CCDC25: variants seen among roughly 807,000 people sequenced by gnomAD.
The protein encoded by CCDC25 is coiled-coil domain-containing protein 25.
A neutral mutation model predicts 35.3 loss-of-function variants in CCDC25; 16 were observed. That is an observed-to-expected ratio of 0.45 (90% CI 0.31 to 0.69). The LOEUF is 0.69. Ranked by LOEUF, CCDC25 falls within the 30% of genes least tolerant of loss-of-function variation. The pLI, the probability that CCDC25 is intolerant of heterozygous loss-of-function variation, is 0.06. For missense variants in CCDC25, 179 were observed against 250.7 expected (o/e 0.71, Z 1.93); for synonymous variants, 79 against 80.3 (o/e 0.98, Z 0.09).
intron 7 of CCDC25, 182 bp downstream of exon 7, chr8:27,747,895 C>G: frequency 1.7e-6 from 1 of 605,302 alleles, no homozygotes; most frequent in Non-Finnish European, 2.9e-6. Flanking sequence ...ACAAGCAATT[C>G]TTTTAACCAA....
At chr8:27,758,159 C>T (rs897031674) in intron 3 of CCDC25, among the ~76,000 whole-genome samples, 2 of 152,184 alleles carry the variant, frequency 1.3e-5, no homozygotes, top group Non-Finnish European at 2.9e-5. Flanking sequence ...CTTCCTTGGT[C>T]CTTACCTTTC....
intron 4 of CCDC25, among the ~76,000 whole-genome samples, chr8:27,755,653 T>C (rs891106822): frequency 9.2e-5 from 14 of 152,154 alleles, no homozygotes; most frequent in Admixed American, 8.5e-4. Flanking sequence ...GGCCAGGCCA[T>C]CAAGGCTCAC....
In CCDC25 at chr8:27,737,243, C is replaced by T. The variant is rs1029138817; in HGVS notation, c.598-998G>A. Among the ~76,000 whole-genome samples the T allele has an allele frequency of 4.6e-4, 70 of 151,994 alleles. No homozygotes were observed. Among genetic ancestry groups the T allele is most frequent in the African/African-American group, 1.7e-3 (69 of 41,362 alleles). ...GAACAGACTAATGATTGTGTTATAT[C>T]CAGGCGCAAAGACTATGATTGCCCC... On this transcript the variant is annotated intron_variant, in intron 8 of 8. Coordinates refer to ENST00000356537, the MANE Select transcript of CCDC25 (RefSeq NM_018246.3). The surrounding 1 kb of genome is among the most constrained non-coding windows in gnomAD (Gnocchi z 4.6).
chr8:27,759,400 G>GATGAGGA (rs1392332480), intron 3 of CCDC25, among the ~76,000 whole-genome samples: 1 of 151,990 alleles, frequency 6.6e-6, no homozygotes, highest in East Asian at 1.9e-4. Context: ...TCAGGTCAGG[G>GATGAGGA]GTTGGAGACC....
chr8:27,736,351 A>G, intron 8 of CCDC25, 106 bp from the exon 9 acceptor site: 2 of 851,372 alleles, frequency 2.3e-6, no homozygotes, highest in Non-Finnish European at 3.7e-6. Context: ...TCAGTCACTG[A>G]GTTCAGAAAG....
chr8:27,770,749 A>C (rs940716952), intron 1 of CCDC25, among the ~76,000 whole-genome samples: 9 of 152,194 alleles, frequency 5.9e-5, no homozygotes, highest in South Asian at 4.1e-4. Context: ...CCAAAAAAAA[A>C]AAAAACAAAA....
chr8:27,748,653 T>C (rs577630274), intron 5 of CCDC25, 55 bp from the exon 6 acceptor site: 43 of 1,309,402 alleles, frequency 3.3e-5, no homozygotes, highest in Non-Finnish European at 1.4e-5. Flanking sequence ...AGCAATGTGT[T>C]CCCTTACCCA....
Position 27,764,678 on chromosome 8 carries a change from G to A in CCDC25, c.76+526C>T, listed in dbSNP as rs971931298. 1.0e-4 allele frequency: 23 copies of A among 223,730 alleles called. 1 individual carries two copies. The highest frequency in any genetic ancestry group is 1.6e-4 in the Non-Finnish European group (17 of 109,210). The allele number at this position is 223,730 out of a possible 1,614,324, so 13.9% of individuals were successfully genotyped here. On this transcript the variant is annotated intron_variant, in intron 2 of 8. Coordinates refer to ENST00000356537, the MANE Select transcript of CCDC25 (RefSeq NM_018246.3). ...AATTTATATCTGTGACATAAATTAT[G>A]TATCTAGATTTGTATCTATATATTC...
intron 4 of CCDC25, 49 bp downstream of exon 4, chr8:27,756,670 G>T: frequency 8.3e-7 from 1 of 1,210,894 alleles, no homozygotes; most frequent in Non-Finnish European, 1.2e-6. Flanking sequence ...AACAAGATAT[G>T]ATGCATCATC....
chr8:27,751,330 G>C (rs1803797386), intron 5 of CCDC25, among the ~76,000 whole-genome samples: 1 of 152,206 alleles, frequency 6.6e-6, no homozygotes, highest in Admixed American at 6.5e-5. Context: ...GAAAATCTTA[G>C]AAAATTCTGT....
intron 2 of CCDC25, among the ~76,000 whole-genome samples, chr8:27,764,815 A>C (rs903483386): frequency 2.0e-5 from 3 of 152,218 alleles, no homozygotes; most frequent in Non-Finnish European, 4.4e-5. Flanking sequence ...CTACTTCGAC[A>C]GCATTTACTA....
Position 27,738,626 on chromosome 8 carries a change from A to G in CCDC25, c.597+1846T>C, listed in dbSNP as rs201304530. ...GGTGTGTGTGTGTGTGTGTGTGTGT[A>G]TTTGTTTATTTCTCAACTCTAGAAT... is the stretch of plus-strand genomic sequence containing the variant. On this transcript the variant is annotated intron_variant, in intron 8 of 8. Transcript: ENST00000356537. Among the ~76,000 whole-genome samples the G allele has an allele frequency of 1.5e-3, 219 of 143,360 alleles. 2 individuals are homozygous for G. The East Asian group carries it at 0.03, about 19-fold the overall frequency. The allele number at this position is 143,360 out of a possible 152,430, so 94.0% of individuals were successfully genotyped here. A position where few individuals can be genotyped will look rare whatever the true frequency, so the allele number is the denominator to read the frequency against.
intron 1 of CCDC25, 135 bp downstream of exon 1, chr8:27,772,378 C>T: frequency 1.2e-6 from 1 of 820,070 alleles, no homozygotes; most frequent in Non-Finnish European, 2.0e-6. Context: ...TGCTGGGGGA[C>T]CGAGAGGCCG....
At chr8:27,762,551 AC>A in intron 2 of CCDC25, 93 bp from the exon 3 acceptor site, 1 of 1,115,600 alleles carries the variant, frequency 9.0e-7, no homozygotes, top group Non-Finnish European at 1.3e-6. Context: ...AGCTCCTCCC[AC>A]AAATTTCTCT....
At chr8:27,736,837 C>T (rs1803246940) in intron 8 of CCDC25, among the ~76,000 whole-genome samples, 1 of 152,156 alleles carries the variant, frequency 6.6e-6, no homozygotes, top group African/African-American at 2.4e-5. Flanking sequence ...CACAAAGGGA[C>T]TGATTTTATT....
intron 1 of CCDC25, among the ~76,000 whole-genome samples, chr8:27,770,187 A>C (rs567816458): frequency 2.9e-4 from 44 of 152,324 alleles, no homozygotes; most frequent in African/African-American, 9.6e-4. Flanking sequence ...ACCTTTTGTA[A>C]TTCCAGCACT....
intron 5 of CCDC25, 21 bp downstream of exon 5, chr8:27,752,491 A>T: frequency 6.3e-7 from 1 of 1,598,452 alleles, no homozygotes; most frequent in Non-Finnish European, 8.6e-7. Context: ...TAATTCTAAA[A>T]ACACCTCTAG....
chr8:27,743,406 G>A (rs1376143304), intron 7 of CCDC25, among the ~76,000 whole-genome samples: 1 of 152,146 alleles, frequency 6.6e-6, no homozygotes, highest in Non-Finnish European at 1.5e-5. Context: ...GACAAACACG[G>A]CCAGCAAGGG....
At chr8:27,744,228 G>T (rs1803531477) in intron 7 of CCDC25, among the ~76,000 whole-genome samples, 2 of 152,028 alleles carry the variant, frequency 1.3e-5, no homozygotes, top group Non-Finnish European at 2.9e-5. Flanking sequence ...TAAGTTACTT[G>T]GTTTATATTG....
Sources: gnomAD v4.1 joint callset for allele counts (sites outside exome capture counted in the v4.1 genomes callset) on GRCh38, gnomAD v4.1.1 for gene constraint, Gnocchi (gnomAD v3.1) non-coding constraint, MANE v1.5 for transcripts, NCBI Gene and HGNC (gene_info 2026-07-23, HGNC 2026-07-21) for gene names.